The following GPR137B variants were observed in gnomAD, a reference collection of about 807,000 sequenced individuals.
GPR137B encodes the protein G protein-coupled receptor 137B.
A neutral mutation model predicts 42.5 loss-of-function variants in GPR137B; 42 were observed. The observed-to-expected ratio is 0.99, with a 90% CI of 0.77 to 1.28. The LOEUF is 1.28. Ranked by LOEUF, GPR137B falls within the 50% of genes most tolerant of loss-of-function variation. The probability of loss-of-function intolerance (pLI) is 0.00; values close to 1 mark genes in which losing one functional copy is unlikely to be tolerated. For missense variants in GPR137B, 487 were observed against 493.9 expected (o/e 0.99, Z 0.13); for synonymous variants, 218 against 209.7 (o/e 1.04, Z -0.34).
rs535815228 is a variant in GPR137B at position 236,190,792 on chromosome 1, ATCTGACGATTATGTG to A, written c.966+6905_966+6919del. Among the ~76,000 whole-genome samples the A allele has an allele frequency of 6.8e-3, 1,030 of 152,234 alleles. 1 individual carries two copies. The highest frequency in any genetic ancestry group is 0.011 in the Non-Finnish European group (775 of 68,024). On this transcript the variant is annotated intron_variant, in intron 5 of 6. Transcript: ENST00000366592. ...TTTTCCTTCATTTCAACCTAGGTGA[ATCTGACGATTATGTG>A]TCTGACGATTATGTGTCTTGCCCTT... is the stretch of plus-strand genomic sequence containing the variant.
intron 5 of GPR137B, among the ~76,000 whole-genome samples, chr1:236,200,023 GCTGTGC>G (rs2102924462): frequency 6.6e-6 from 1 of 151,994 alleles, no homozygotes; most frequent in East Asian, 1.9e-4. Context: ...CCCCACTTTT[GCTGTGC>G]CTCAGAGGTT....
At chr1:236,190,413 C>A (rs947610191) in intron 5 of GPR137B, among the ~76,000 whole-genome samples, 7 of 151,866 alleles carry the variant, frequency 4.6e-5, no homozygotes, top group Non-Finnish European at 1.5e-5. Flanking sequence ...GTTGATGCAG[C>A]TTCTTTATAG....
At position 236,179,931 on chromosome 1, in the gene GPR137B, A is replaced by G; in HGVS notation, c.740A>G (p.Tyr247Cys). 6.2e-7 allele frequency: 1 copy of G among 1,610,872 alleles called. No individual in the cohort carries two copies. Among genetic ancestry groups the G allele is most frequent in the Non-Finnish European group, 8.5e-7 (1 of 1,178,348 alleles). ...ATCGGTGTCACCGTGATACTGCTTT[A>G]CACCTCTCGGGCCTGCTACAACCTG... Reference protein sequence around the residue: ...TAIGVTVILLYTSRACYNLFI... With the variant: ...TAIGVTVILLCTSRACYNLFI... Residue 247 changes from tyrosine (Y) to cysteine (C), a missense_variant, in exon 4 of 7, where the codon TAC becomes TGC. By Grantham distance (194) the Tyr-to-Cys change is radical (BLOSUM62 -2). Coordinates refer to ENST00000366592, the MANE Select transcript of GPR137B (RefSeq NM_003272.4).
chr1:236,192,534 G>C (rs1443399234), intron 5 of GPR137B, among the ~76,000 whole-genome samples: 1 of 152,114 alleles, frequency 6.6e-6, no homozygotes, highest in African/African-American at 2.4e-5. Context: ...TGCAGTATCT[G>C]GGCCGGAGTG....
intron 5 of GPR137B, among the ~76,000 whole-genome samples, chr1:236,186,023 G>C (rs1337296832): frequency 2.0e-5 from 3 of 150,852 alleles, no homozygotes; most frequent in Admixed American, 6.7e-5. Flanking sequence ...GAATCATATG[G>C]CATGTGGGTT....
chr1:236,184,853 G>A (rs1662976913), intron 5 of GPR137B, among the ~76,000 whole-genome samples: 2 of 151,776 alleles, frequency 1.3e-5, no homozygotes, highest in South Asian at 2.1e-4. Context: ...TGCAACCTCC[G>A]CCTCCCGGGT....
intron 6 of GPR137B, chr1:236,207,198 T>A: frequency 5.1e-6 from 5 of 985,014 alleles, no homozygotes; most frequent in Non-Finnish European, 4.8e-6. Context: ...AGCAGAGAAA[T>A]CCTGGTCAGA....
At chr1:236,182,291 C>G (rs999134360) in intron 4 of GPR137B, among the ~76,000 whole-genome samples, 2 of 152,158 alleles carry the variant, frequency 1.3e-5, no homozygotes, top group African/African-American at 2.4e-5. Context: ...TTTCATCTTC[C>G]TAAACTGAAA....
At position 236,178,549 on chromosome 1, in the gene GPR137B, G is replaced by A. The variant is rs768713745; in HGVS notation, c.600G>A (p.Thr200=). 7.4e-6 allele frequency: 12 copies of A among 1,612,820 alleles called. No individual in the cohort carries two copies. Among genetic ancestry groups the A allele is most frequent in the Non-Finnish European group, 9.3e-6 (11 of 1,179,390 alleles). The part of the protein sequence containing the change: ...IVSVRVAIND[T]LFVLCAVSLS... ...CTGTGCGAGTGGCCATTAATGACACGCTCTTCGTGCTGTGTGCCGTCTCTC... is the reference window on the plus strand; with the variant it reads ...CTGTGCGAGTGGCCATTAATGACACACTCTTCGTGCTGTGTGCCGTCTCTC... The change falls in exon 3 of 7, where the codon ACG becomes ACA. Residue 200 remains threonine (T), a synonymous_variant. Transcript: ENST00000366592.
intron 2 of GPR137B, among the ~76,000 whole-genome samples, chr1:236,173,382 GAGAA>G (rs1414444412): frequency 6.8e-6 from 1 of 146,964 alleles, no homozygotes; most frequent in African/African-American, 2.6e-5. Flanking sequence ...AAGGGAAAGA[GAGAA>G]AGACAGGTAG....
In GPR137B at chr1:236,156,210, G is replaced by T. The variant is rs926686230; in HGVS notation, c.415-12496G>T. Reference sequence around the variant, plus strand: ...CCCACATTCCAAGGGCCAGCACGAGGCCAGGAGCAGGCAGGACCAGCTTCT... The same window carrying T: ...CCCACATTCCAAGGGCCAGCACGAGTCCAGGAGCAGGCAGGACCAGCTTCT... On this transcript the variant is annotated intron_variant, in intron 1 of 6. Transcript: ENST00000366592. This position sits in a 1 kb window ranked among gnomAD's most constrained non-coding sequence, Gnocchi z 4.8. Among the ~76,000 whole-genome samples the T allele has an allele frequency of 2.6e-5, 4 of 152,222 alleles. No homozygotes were observed. The highest frequency in any genetic ancestry group is 9.6e-5 in the African/African-American group (4 of 41,466).
intron 5 of GPR137B, among the ~76,000 whole-genome samples, chr1:236,188,307 C>CTT (rs968878838): frequency 6.6e-6 from 1 of 151,756 alleles, no homozygotes; most frequent in African/African-American, 2.4e-5. Flanking sequence ...TTTCAATATG[C>CTT]TTTCTTTCTT....
At position 236,201,676 on chromosome 1, in the gene GPR137B, A is replaced by G. The variant is rs1663498428; in HGVS notation, c.967-3450A>G. 2.0e-5 allele frequency among the ~76,000 whole-genome samples: 3 copies of G among 152,046 alleles called. No individual in the cohort carries two copies. In the South Asian group the frequency reaches 6.2e-4, roughly 31 times the overall value. On this transcript the variant is annotated intron_variant, in intron 5 of 6. Coordinates refer to ENST00000366592, the MANE Select transcript of GPR137B (RefSeq NM_003272.4). ...TTCATCCATATCTGTATTTTAAAAA[A>G]GAGTACTTAAGTTGGTTTTCACCTT... is the stretch of plus-strand genomic sequence containing the variant.
chr1:236,159,943 C>T (rs979304504), intron 1 of GPR137B, among the ~76,000 whole-genome samples: 1 of 152,208 alleles, frequency 6.6e-6, no homozygotes, highest in Non-Finnish European at 1.5e-5. Flanking sequence ...CGCCTGACAG[C>T]GGCCAGCTGG....
intron 1 of GPR137B, among the ~76,000 whole-genome samples, chr1:236,158,333 G>A (rs769981710): frequency 6.6e-6 from 1 of 152,178 alleles, no homozygotes; most frequent in African/African-American, 2.4e-5. Flanking sequence ...GCTGAGGCAC[G>A]AGAATCGCTT....
intron 1 of GPR137B, among the ~76,000 whole-genome samples, chr1:236,146,482 TGTCA>T (rs1661685529): frequency 6.6e-6 from 1 of 152,160 alleles, no homozygotes; most frequent in South Asian, 2.1e-4. Flanking sequence ...TTTCTGTTGT[TGTCA>T]GTCCTTTGTG....
At chr1:236,149,638 G>A (rs372051764) in intron 1 of GPR137B, among the ~76,000 whole-genome samples, 1 of 152,256 alleles carries the variant, frequency 6.6e-6, no homozygotes, top group Non-Finnish European at 1.5e-5. Context: ...CCTAGTCTAG[G>A]AGTTGTGAAG....
chr1:236,201,637 T>C (rs1228473833), intron 5 of GPR137B, among the ~76,000 whole-genome samples: 4 of 152,096 alleles, frequency 2.6e-5, no homozygotes. Context: ...TATATCTGTT[T>C]CTCTGGAGAC....
chr1:236,162,947 C>T (rs1662241006), intron 1 of GPR137B, among the ~76,000 whole-genome samples: 1 of 152,204 alleles, frequency 6.6e-6, no homozygotes, highest in Admixed American at 6.5e-5. Context: ...GGCCACTGTC[C>T]TCCAGACCTC....
Sources: allele counts gnomAD v4.1 joint callset (sites outside exome capture counted in the v4.1 genomes callset), GRCh38; gene constraint gnomAD v4.1.1; non-coding constraint Gnocchi (gnomAD v3.1); transcripts MANE v1.5; gene names NCBI Gene and HGNC (gene_info 2026-07-23, HGNC 2026-07-21).